KIAA0319L: variants seen among roughly 807,000 people sequenced by gnomAD.
KIAA0319L encodes the protein KIAA0319 like.
A neutral mutation model predicts 120.1 loss-of-function variants in KIAA0319L; 55 were observed. The observed-to-expected ratio is 0.46, with a 90% CI of 0.37 to 0.57. The LOEUF (loss-of-function observed/expected upper bound fraction) is 0.57. Among genes scored for constraint, KIAA0319L ranks in the 20% least tolerant of loss-of-function variants. The probability of loss-of-function intolerance (pLI) is 0.00; values close to 1 mark genes in which losing one functional copy is unlikely to be tolerated. For missense variants in KIAA0319L, 1,049 were observed against 1,255.3 expected (o/e 0.84, Z 2.48); for synonymous variants, 398 against 471.9 (o/e 0.84, Z 2.03).
rs1642210014 is a variant in KIAA0319L at position 35,453,513 on chromosome 1, G to A, written c.1913+44C>T. The A allele has an allele frequency of 1.9e-6, 3 of 1,603,680 alleles. No homozygotes were observed. Among genetic ancestry groups the A allele is most frequent in the African/African-American group, 1.3e-5 (1 of 74,764 alleles). On this transcript the variant is annotated intron_variant, in intron 12 of 20. Coordinates refer to ENST00000325722, the MANE Select transcript of KIAA0319L (RefSeq NM_024874.5). This position sits in a 1 kb window ranked among gnomAD's most constrained non-coding sequence, Gnocchi z 4.1. ...GCAAATAAAACCTTGCTCTTCCAAG[G>A]TCTGGAGGCTTTGCAAAAATAAGGA...
intron 4 of KIAA0319L, among the ~76,000 whole-genome samples, chr1:35,475,376 TA>T (rs1238101714): frequency 1.3e-5 from 2 of 152,198 alleles, no homozygotes; most frequent in African/African-American, 4.8e-5. Context: ...GATACATATA[TA>T]AAGTTTCTAG....
intron 2 of KIAA0319L, among the ~76,000 whole-genome samples, chr1:35,550,911 T>C (rs1320255308): frequency 3.3e-5 from 5 of 152,174 alleles, no homozygotes; most frequent in Admixed American, 1.3e-4. Context: ...TATCCCACCA[T>C]GTGGAGATGC....
chr1:35,549,770 A>C (rs576164104), intron 2 of KIAA0319L, among the ~76,000 whole-genome samples: 2 of 152,338 alleles, frequency 1.3e-5, no homozygotes, highest in African/African-American at 4.8e-5. Context: ...GCCTTTCCAT[A>C]TCTCTGCTCT....
At chr1:35,501,693 A>G (rs1183758361) in intron 3 of KIAA0319L, among the ~76,000 whole-genome samples, 1 of 152,012 alleles carries the variant, frequency 6.6e-6, no homozygotes, top group Non-Finnish European at 1.5e-5. Flanking sequence ...CCTGACCAAC[A>G]TGGAGAAACC....
Position 35,456,122 on chromosome 1 carries a change from G to A in KIAA0319L, c.1547C>T (p.Pro516Leu), listed in dbSNP as rs755267484. ...CCCAAAGAGGGTGATGGAGTTTTGG[G>A]GCAGGGTGATCACTTGGTTGGGGCC... Reference protein sequence around the residue: ...NAGPNQVITLPQNSITLFGNQ... With the variant: ...NAGPNQVITLLQNSITLFGNQ... The change falls in exon 10 of 21, where the codon CCC becomes CTC. Residue 516 changes from proline to leucine, a missense_variant. Coordinates refer to ENST00000325722, the MANE Select transcript of KIAA0319L (RefSeq NM_024874.5). 3.1e-6 allele frequency: 5 copies of A among 1,613,998 alleles called. No homozygotes were observed. Among genetic ancestry groups the A allele is most frequent in the East Asian group, 2.2e-5 (1 of 44,852 alleles).
intron 10 of KIAA0319L, 80 bp from the exon 11 acceptor site, chr1:35,454,565 TTTAG>T (rs1478921915): frequency 1.3e-6 from 2 of 1,573,306 alleles, no homozygotes; most frequent in Non-Finnish European, 1.7e-6. Flanking sequence ...GTAAAAACGA[TTTAG>T]TTTTCTAAAC....
chr1:35,434,942 G>A lies in KIAA0319L; in HGVS notation c.3102C>T (p.Asn1034=), dbSNP rs781641046. The change falls in exon 21 of 21, where the codon AAC becomes AAT. Residue 1034 remains asparagine (N), a synonymous_variant. Coordinates refer to ENST00000325722, the MANE Select transcript of KIAA0319L (RefSeq NM_024874.5). ...TCCTGGCCTTCAGAGGGGTCTGCCCGTTGGGTACAGAGCCATTCTGACCAT... is the reference window on the plus strand; with the variant it reads ...TCCTGGCCTTCAGAGGGGTCTGCCCATTGGGTACAGAGCCATTCTGACCAT... ...LLHGQNGSVP[N]GQTPLKARSP... 15 of 1,613,814 alleles carry A rather than the reference G, an allele frequency of 9.3e-6. No individual in the cohort carries two copies. Among genetic ancestry groups the A allele is most frequent in the African/African-American group, 4.0e-5 (3 of 74,916 alleles).
intron 9 of KIAA0319L, among the ~76,000 whole-genome samples, chr1:35,459,377 C>T (rs1041423570): frequency 2.0e-5 from 3 of 152,028 alleles, no homozygotes; most frequent in Non-Finnish European, 2.9e-5. Flanking sequence ...GAGGCTGAGG[C>T]GGGTGGATCA....
chr1:35,481,874 G>C (rs1311922061), intron 3 of KIAA0319L, among the ~76,000 whole-genome samples: 1 of 139,940 alleles, frequency 7.1e-6, no homozygotes, highest in Non-Finnish European at 1.5e-5. Flanking sequence ...GCCCAGGCTG[G>C]AGTGCAGTGG....
In KIAA0319L at chr1:35,507,072, C is replaced by A. The variant is rs755101301; in HGVS notation, c.206G>T (p.Gly69Val). The A allele has an allele frequency of 5.1e-6, 8 of 1,567,960 alleles. No homozygotes were observed. Among genetic ancestry groups the A allele is most frequent in the Non-Finnish European group, 6.9e-6 (8 of 1,157,746 alleles). The change falls in exon 3 of 21, where the codon GGA becomes GTA. Residue 69 changes from glycine (G) to valine (V), a missense_variant. Gly to Val is a moderately radical substitution (Grantham distance 109). Coordinates refer to ENST00000325722, the MANE Select transcript of KIAA0319L (RefSeq NM_024874.5). ...TQFGVGLRSG[G>V]ENHLWLLEGT... ...TTCAAGAAGCCAGAGGTGATTTTCT[C>A]CCCCAGATCTCAGGCCAACTCCAAA...
chr1:35,486,378 A>AAC (rs10647208), intron 3 of KIAA0319L, among the ~76,000 whole-genome samples: 1 of 122,850 alleles, frequency 8.1e-6, no homozygotes, highest in South Asian at 2.4e-4. Flanking sequence ...TGTCTCAAGA[A>AAC]AAAAAAAAAA....
intron 1 of KIAA0319L, 45 bp from the exon 2 acceptor site, chr1:35,554,564 A>T: frequency 8.0e-7 from 1 of 1,243,390 alleles, no homozygotes. Context: ...AGTAATTAAT[A>T]ATTAATTCCT....
rs142007809 is a variant in KIAA0319L at position 35,448,188 on chromosome 1, G to A, written c.2498C>T (p.Pro833Leu). Residue 833 changes from proline (P) to leucine (L), a missense_variant, in exon 16 of 21, where the codon CCG (proline) becomes CTG (leucine). Pro to Leu is a moderately conservative substitution (Grantham distance 98). Transcript: ENST00000325722. ...GCCCAGCTACCTCTGCTCCGTGTAC[G>A]GCTGAATCTTTTGCACAATGATGTC... is the stretch of plus-strand genomic sequence containing the variant. ...DSDIIVQKIQ[P>L]YTEQSTKMVF... 19 of 1,613,234 alleles carry A rather than the reference G, an allele frequency of 1.2e-5. No homozygotes were observed. The East Asian group carries it at 1.3e-4, about 11-fold the overall frequency.
At chr1:35,455,918 TA>T in intron 10 of KIAA0319L, 94 bp downstream of exon 10, 1 of 975,702 alleles carries the variant, frequency 1.0e-6, no homozygotes, top group Non-Finnish European at 1.6e-6. Flanking sequence ...CAAAGGCCCC[TA>T]AAGCTTTCTC....
At chr1:35,442,596 G>A (rs574671073) in intron 18 of KIAA0319L, among the ~76,000 whole-genome samples, 22 of 152,206 alleles carry the variant, frequency 1.4e-4, no homozygotes, top group African/African-American at 4.8e-4. Context: ...AGAGGGAAAC[G>A]AGGGCTTCCA....
intron 2 of KIAA0319L, among the ~76,000 whole-genome samples, chr1:35,550,826 C>T (rs929979848): frequency 1.3e-5 from 2 of 152,074 alleles, no homozygotes; most frequent in Non-Finnish European, 2.9e-5. Flanking sequence ...TCTTAGCCCC[C>T]GAGTAGCTGG....
At chr1:35,449,215 A>G (rs770477862) in intron 15 of KIAA0319L, among the ~76,000 whole-genome samples, 2 of 152,220 alleles carry the variant, frequency 1.3e-5, no homozygotes, top group Non-Finnish European at 2.9e-5. Context: ...GATAATAAAG[A>G]GTAGGTTTAA....
At chr1:35,486,737 C>CAAAAAAAAAAAAAAAA (rs4045085) in intron 3 of KIAA0319L, among the ~76,000 whole-genome samples, 2 of 86,938 alleles carry the variant, frequency 2.3e-5, no homozygotes, top group African/African-American at 9.4e-5. Context: ...CCCATTTCTA[C>CAAAAAAAAAAAAAAAA]AAAAAAAAAA....
chr1:35,478,220 G>C (rs964104110), intron 4 of KIAA0319L, among the ~76,000 whole-genome samples: 1 of 150,262 alleles, frequency 6.7e-6, no homozygotes, highest in African/African-American at 2.5e-5. Flanking sequence ...TGGAGATAGA[G>C]AGTAATGGTT....
Sources: allele counts gnomAD v4.1 joint callset (sites outside exome capture counted in the v4.1 genomes callset), GRCh38; gene constraint gnomAD v4.1.1; non-coding constraint Gnocchi (gnomAD v3.1); transcripts MANE v1.5; gene names NCBI Gene and HGNC (gene_info 2026-07-23, HGNC 2026-07-21).